Variants in KCNC2 observed in about 807,000 individuals in gnomAD.
KCNC2 encodes voltage-gated potassium channel KCNC2.
Under a neutral mutation model 44.5 loss-of-function variants are expected in KCNC2, and 21 were observed. The observed-to-expected ratio is 0.47, with a 90% CI of 0.33 to 0.68. The LOEUF is 0.68. Among genes scored for constraint, KCNC2 ranks in the 30% least tolerant of loss-of-function variants. The pLI is 0.01. For missense variants in KCNC2, 589 were observed against 826.2 expected, an observed-to-expected ratio of 0.71 and a Z score of 3.52; for synonymous variants, 391 against 339.1, an observed-to-expected ratio of 1.15 and a Z score of -1.68.
intron 2 of KCNC2, among the ~76,000 whole-genome samples, chr12:75,093,816 CAT>C (rs1435549734): frequency 3.2e-4 from 49 of 151,734 alleles, no homozygotes; most frequent in African/African-American, 1.0e-3. Flanking sequence ...AATTAAGAAA[CAT>C]AGGTCTACTG....
intron 2 of KCNC2, among the ~76,000 whole-genome samples, chr12:75,165,034 C>T (rs1026402066): frequency 3.3e-5 from 5 of 151,494 alleles, no homozygotes; most frequent in Admixed American, 1.3e-4. Flanking sequence ...CTTAGTGCTT[C>T]CAACTTGTTG....
At position 75,042,552 on chromosome 12, in the gene KCNC2, A is replaced by G. The variant is rs1464498532; in HGVS notation, c.*553T>C. ...ATTCAACATGCAGAACAGTCGACCA[A>G]TGCTTTCATATCAGCAGGATGGTTC... On this transcript the variant is annotated 3_prime_UTR_variant, in exon 5 of 5. Transcript: ENST00000549446. 4.1e-5 allele frequency: 57 copies of G among 1,396,812 alleles called. No homozygotes were observed. The highest frequency in any genetic ancestry group is 1.1e-4 in the East Asian group (4 of 37,574). 86.5% of individuals were successfully genotyped at this position (1,396,812 alleles called of 1,614,324 possible).
chr12:75,050,766 A>G lies in KCNC2; in HGVS notation c.1239T>C (p.Pro413=), dbSNP rs959217457. 4 of 1,613,502 alleles carry G rather than the reference A, an allele frequency of 2.5e-6. No individual in the cohort carries two copies. The highest frequency in any genetic ancestry group is 2.2e-5 in the East Asian group (1 of 44,818). Residue 413 remains proline (P), a synonymous_variant, in exon 3 of 5, where the codon CCT becomes CCC. Coordinates refer to ENST00000549446, the MANE Select transcript of KCNC2 (RefSeq NM_139137.4). The part of the protein sequence containing the change: ...AERVGAQPND[P]SASEHTQFKN... ...TGAACTGTGTGTGCTCACTAGCTGA[A>G]GGGTCGTTAGGTTGAGCTCCCACTC...
At chr12:75,157,070 A>G in intron 2 of KCNC2, among the ~76,000 whole-genome samples, 1 of 151,906 alleles carries the variant, frequency 6.6e-6, no homozygotes, top group East Asian at 1.9e-4. Context: ...GCTTACAAAT[A>G]GTCATTCTCC....
chr12:75,153,991 A>G (rs970942767), intron 2 of KCNC2, among the ~76,000 whole-genome samples: 1 of 151,952 alleles, frequency 6.6e-6, no homozygotes, highest in Non-Finnish European at 1.5e-5. Flanking sequence ...TACTTATTGA[A>G]AAAAAACTAT....
chr12:75,088,013 A>G (rs1386245697), intron 2 of KCNC2, among the ~76,000 whole-genome samples: 5 of 151,958 alleles, frequency 3.3e-5, no homozygotes, highest in Admixed American at 2.6e-4. Flanking sequence ...AAAATGCCTA[A>G]TAATTGAGGG....
chr12:75,049,151 C>T (rs746905395), intron 3 of KCNC2, among the ~76,000 whole-genome samples: 10 of 152,118 alleles, frequency 6.6e-5, no homozygotes, highest in Non-Finnish European at 1.5e-4. Context: ...TAGCAATCTA[C>T]TAAATAAGCA....
chr12:75,053,200 G>A (rs1208972332), intron 2 of KCNC2, among the ~76,000 whole-genome samples: 2 of 151,984 alleles, frequency 1.3e-5, no homozygotes, highest in African/African-American at 4.8e-5. Flanking sequence ...TAGGAGTCAT[G>A]ATTGTTTCTT....
chr12:75,154,292 G>A (rs1313318744), intron 2 of KCNC2, among the ~76,000 whole-genome samples: 1 of 151,946 alleles, frequency 6.6e-6, no homozygotes, highest in Non-Finnish European at 1.5e-5. Flanking sequence ...AGATTTGGAT[G>A]ACAGCATTTG....
At position 75,075,081 on chromosome 12, in the gene KCNC2, C is replaced by G. The variant is rs144477579; in HGVS notation, c.688-23764G>C. On this transcript the variant is annotated intron_variant, in intron 2 of 4. Transcript: ENST00000549446. ...GGAATGTGAGTCTAGAAAAATTAGA[C>G]AAAAATAATTTAAAAACCTCAATGT... 7.6e-4 allele frequency among the ~76,000 whole-genome samples: 116 copies of G among 152,140 alleles called. 2 individuals are homozygous for G. Among genetic ancestry groups the G allele is most frequent in the South Asian group, 5.6e-3 (27 of 4,814 alleles).
At chr12:75,089,329 T>C (rs1885283107) in intron 2 of KCNC2, among the ~76,000 whole-genome samples, 1 of 151,826 alleles carries the variant, frequency 6.6e-6, no homozygotes, top group South Asian at 2.1e-4. Context: ...AAAGTGTCAT[T>C]GTATCCTCAA....
chr12:75,096,775 A>C (rs1404524146), intron 2 of KCNC2, among the ~76,000 whole-genome samples: 1 of 152,114 alleles, frequency 6.6e-6, no homozygotes, highest in African/African-American at 2.4e-5. Context: ...CCTGAAATTT[A>C]GAGATTAAGA....
chr12:75,065,502 G>A (rs1226175758), intron 2 of KCNC2, among the ~76,000 whole-genome samples: 1 of 152,000 alleles, frequency 6.6e-6, no homozygotes, highest in Non-Finnish European at 1.5e-5. Flanking sequence ...ATAATGGATC[G>A]TATATACCAT....
intron 2 of KCNC2, among the ~76,000 whole-genome samples, chr12:75,072,475 G>A (rs1395154317): frequency 1.3e-5 from 2 of 151,788 alleles, no homozygotes; most frequent in African/African-American, 4.8e-5. Flanking sequence ...GACCTTTCAG[G>A]GAGTCCTGTC....
chr12:75,147,852 G>A (rs1462017349), intron 2 of KCNC2, among the ~76,000 whole-genome samples: 1 of 152,112 alleles, frequency 6.6e-6, no homozygotes, highest in Non-Finnish European at 1.5e-5. Context: ...TAGTGATCTG[G>A]AAGATATTTC....
intron 2 of KCNC2, among the ~76,000 whole-genome samples, chr12:75,077,690 C>G (rs1412881851): frequency 1.3e-5 from 2 of 150,488 alleles, no homozygotes; most frequent in South Asian, 2.1e-4. Context: ...GAAGAGAGAC[C>G]TAAGCAATGT....
At chr12:75,138,979 T>TAAAAAAAAAAAAAA (rs373729570) in intron 2 of KCNC2, among the ~76,000 whole-genome samples, 43 of 77,928 alleles carry the variant, frequency 5.5e-4, no homozygotes, top group African/African-American at 1.7e-3. Context: ...AGACTCCGTG[T>TAAAAAAAAAAAAAA]AAAAAAAAAA....
intron 2 of KCNC2, among the ~76,000 whole-genome samples, chr12:75,197,896 C>T (rs1038584266): frequency 6.6e-6 from 1 of 151,582 alleles, no homozygotes; most frequent in Admixed American, 6.6e-5. Flanking sequence ...AAGAAATCAC[C>T]TAAGATAGAT....
In KCNC2 at chr12:75,048,182, G is replaced by A. The variant is rs1378104354; in HGVS notation, c.1751C>T (p.Thr584Met). 3.7e-6 allele frequency: 6 copies of A among 1,612,800 alleles called. No individual in the cohort carries two copies. The highest frequency in any genetic ancestry group is 1.6e-4 in the Middle Eastern group (1 of 6,070). ...CCTGATCCCTCCATCAGAAGCACAC[G>A]TGTAATCACCTGTCGTCAGTAGGAA... The part of the protein sequence containing the change: ...TCFLLTTGDY[T>M]CASDGGIRKG... The change falls in exon 4 of 5, where the codon ACG becomes ATG. Residue 584 changes from threonine (T) to methionine (M), a missense_variant. By Grantham distance (81) the Thr-to-Met change is moderately conservative. Transcript: ENST00000549446.
Sources: allele counts gnomAD v4.1 joint callset (sites outside exome capture counted in the v4.1 genomes callset), GRCh38; gene constraint gnomAD v4.1.1; transcripts MANE v1.5; gene names NCBI Gene and HGNC (gene_info 2026-07-23, HGNC 2026-07-21).